The following TBC1D22A variants were observed in gnomAD, a reference collection of about 807,000 sequenced individuals.
The protein encoded by TBC1D22A is putative GTPase activator.
A neutral mutation model predicts 60.2 loss-of-function variants in TBC1D22A; 38 were observed. The observed-to-expected ratio is 0.63, with a 90% CI of 0.49 to 0.83. TBC1D22A has a LOEUF of 0.83. Ranked by LOEUF, TBC1D22A falls within the 40% of genes least tolerant of loss-of-function variation. The pLI is 0.00. For synonymous variants in TBC1D22A, 302 were observed against 281.7 expected (o/e 1.07, Z -0.72); for missense variants, 628 against 701.0 (o/e 0.90, Z 1.18).
chr22:47,007,749 A>G (rs1253829964), intron 10 of TBC1D22A, among the ~76,000 whole-genome samples: 1 of 152,148 alleles, frequency 6.6e-6, no homozygotes, highest in Admixed American at 6.5e-5. Flanking sequence ...GCTCTCTGCC[A>G]TCTCTTATAG....
chr22:47,017,529 TC>T (rs150775492), intron 10 of TBC1D22A, among the ~76,000 whole-genome samples: 2,074 of 152,272 alleles, frequency 0.014, 48 homozygotes, highest in African/African-American at 0.046. Flanking sequence ...CCCAGCGGCT[TC>T]TGAGACACAC....
intron 8 of TBC1D22A, among the ~76,000 whole-genome samples, chr22:46,927,198 T>C (rs539212522): frequency 3.3e-5 from 5 of 152,168 alleles, no homozygotes; most frequent in Non-Finnish European, 7.3e-5. Flanking sequence ...GACTTAAAAA[T>C]CCTCAGCAAA....
rs375709808 is a variant in TBC1D22A, at chr22:46,792,609, G to C, written c.119+33G>C. On this transcript the variant is annotated intron_variant, in intron 2 of 12. Transcript: ENST00000337137. ...ACGTTCCAACCTCACTTGGCGTCTC[G>C]GCTCTGATATGGGAGGGCTGTGGCA... is the stretch of plus-strand genomic sequence containing the variant. 2.2e-5 allele frequency: 36 copies of C among 1,614,056 alleles called. No homozygotes were observed. In the Middle Eastern group the frequency reaches 4.9e-4, roughly 22 times the overall value.
intron 4 of TBC1D22A, among the ~76,000 whole-genome samples, chr22:46,861,612 G>T (rs1325078954): frequency 6.6e-6 from 1 of 152,230 alleles, no homozygotes; most frequent in East Asian, 1.9e-4. Context: ...GGCCACCTGG[G>T]CCAGCGGTGC....
chr22:46,917,419 G>T (rs112595547), intron 8 of TBC1D22A, among the ~76,000 whole-genome samples: 1 of 152,170 alleles, frequency 6.6e-6, no homozygotes, highest in African/African-American at 2.4e-5. Flanking sequence ...TGTCAAATAG[G>T]CTGCTGTGAG....
intron 9 of TBC1D22A, among the ~76,000 whole-genome samples, chr22:46,978,988 G>A (rs1409543526): frequency 1.3e-5 from 2 of 152,172 alleles, no homozygotes; most frequent in Non-Finnish European, 2.9e-5. Flanking sequence ...ACAAATGGTA[G>A]TTTCTTAAAG....
At chr22:47,092,271 T>C (rs1417077838) in intron 11 of TBC1D22A, among the ~76,000 whole-genome samples, 3 of 152,038 alleles carry the variant, frequency 2.0e-5, no homozygotes, top group African/African-American at 7.3e-5. Context: ...TCCTGATAGA[T>C]TGCAGGGGGA....
At chr22:46,918,284 T>A (rs950640764) in intron 8 of TBC1D22A, among the ~76,000 whole-genome samples, 1 of 152,188 alleles carries the variant, frequency 6.6e-6, no homozygotes, top group Non-Finnish European at 1.5e-5. Context: ...TGGTGCAGGG[T>A]GCAGGGCCGA....
At position 47,037,065 on chromosome 22, in the gene TBC1D22A, G is replaced by A; in HGVS notation, c.1202-6G>A. On this transcript the variant is annotated splice_region_variant and splice_polypyrimidine_tract_variant and intron_variant, in intron 10 of 12. Coordinates refer to ENST00000337137, the MANE Select transcript of TBC1D22A (RefSeq NM_014346.5). Reference sequence around the variant, plus strand: ...CAGCCTTGGGGCCTGTGTTTGTTTTGTGCAGAGCAAGTGCACCGGCACCTG... The same window carrying A: ...CAGCCTTGGGGCCTGTGTTTGTTTTATGCAGAGCAAGTGCACCGGCACCTG... 6.2e-7 allele frequency: 1 copy of A among 1,613,298 alleles called. No individual in the cohort carries two copies. Among genetic ancestry groups the A allele is most frequent in the Non-Finnish European group, 8.5e-7 (1 of 1,179,520 alleles).
intron 10 of TBC1D22A, among the ~76,000 whole-genome samples, chr22:47,016,959 A>T (rs2061928435): frequency 6.6e-6 from 1 of 152,148 alleles, no homozygotes; most frequent in Non-Finnish European, 1.5e-5. Flanking sequence ...GTGTCCGCTG[A>T]TGGTTTTGTC....
chr22:47,089,961 A>C (rs1039023046), intron 11 of TBC1D22A, among the ~76,000 whole-genome samples: 1 of 152,200 alleles, frequency 6.6e-6, no homozygotes, highest in Non-Finnish European at 1.5e-5. Flanking sequence ...AGAACAGCCC[A>C]GTGTGAAGCC....
At chr22:47,133,077 G>A (rs1172793977) in intron 12 of TBC1D22A, among the ~76,000 whole-genome samples, 1 of 152,240 alleles carries the variant, frequency 6.6e-6, no homozygotes, top group Non-Finnish European at 1.5e-5. Context: ...AAATGTTTAG[G>A]CGACGCCTGT....
At chr22:46,904,456 G>A (rs937626462) in intron 7 of TBC1D22A, among the ~76,000 whole-genome samples, 1 of 148,740 alleles carries the variant, frequency 6.7e-6, no homozygotes, top group African/African-American at 2.5e-5. Flanking sequence ...GCCTGCTGGT[G>A]ACCAGGATGA....
chr22:47,143,205 T>C (rs1038606170), intron 12 of TBC1D22A, among the ~76,000 whole-genome samples: 5 of 152,166 alleles, frequency 3.3e-5, no homozygotes, highest in African/African-American at 9.7e-5. Flanking sequence ...GAGCCACCCC[T>C]GTCCCCACCT....
At chr22:47,074,385 A>G (rs2064120768) in intron 11 of TBC1D22A, among the ~76,000 whole-genome samples, 1 of 152,186 alleles carries the variant, frequency 6.6e-6, no homozygotes, top group African/African-American at 2.4e-5. Context: ...AATGATTTCC[A>G]CTTGGAAATG....
intron 8 of TBC1D22A, among the ~76,000 whole-genome samples, chr22:46,922,736 A>G (rs1180630861): frequency 6.6e-6 from 1 of 152,084 alleles, no homozygotes; most frequent in Non-Finnish European, 1.5e-5. Flanking sequence ...CTCAGCTTGG[A>G]CATTGTTAGT....
chr22:46,762,721 C>T lies in TBC1D22A; in HGVS notation c.-66C>T, dbSNP rs2083140795. On this transcript the variant is annotated 5_prime_UTR_variant, in exon 1 of 13. Transcript: ENST00000337137. ...GGGCCACCCGGGGCACAGGAAAGGG[C>T]CGCTAGGGGAGGGCCGGGTGCACTC... is the stretch of plus-strand genomic sequence containing the variant. 4 of 1,353,780 alleles carry T rather than the reference C, an allele frequency of 3.0e-6. No homozygotes were observed. Among genetic ancestry groups the T allele is most frequent in the African/African-American group, 1.5e-5 (1 of 64,628 alleles). 83.9% of individuals were successfully genotyped at this position (1,353,780 alleles called of 1,614,324 possible).
In TBC1D22A at chr22:47,046,174, TGTCCAA is replaced by T. The variant is rs1477639804; in HGVS notation, c.1329+8985_1329+8990del. Among the ~76,000 whole-genome samples the T allele has an allele frequency of 3.3e-5, 5 of 152,036 alleles. No individual in the cohort carries two copies. The East Asian group carries it at 7.7e-4, about 23-fold the overall frequency. On this transcript the variant is annotated intron_variant, in intron 11 of 12. Transcript: ENST00000337137. ...CAAAGGCCTTGCCCCACAAGGAGGG[TGTCCAA>T]GTCCAAGTACCTTACAGGATGCCGG...
intron 4 of TBC1D22A, among the ~76,000 whole-genome samples, chr22:46,816,420 AT>A (rs2085603433): frequency 2.0e-5 from 3 of 152,238 alleles, no homozygotes; most frequent in Admixed American, 2.0e-4. Flanking sequence ...TTTTCAAGAA[AT>A]TTACTGCCTT....
Sources: gnomAD v4.1 joint callset for allele counts (sites outside exome capture counted in the v4.1 genomes callset) on GRCh38, gnomAD v4.1.1 for gene constraint, MANE v1.5 for transcripts, NCBI Gene and HGNC (gene_info 2026-07-23, HGNC 2026-07-21) for gene names.